WWOX: variants seen among roughly 807,000 people sequenced by gnomAD.
The protein encoded by WWOX is WW domain-containing oxidoreductase.
WWOX carries 69 observed loss-of-function variants against 46.2 expected under a neutral mutation model. The ratio of observed to expected loss-of-function variants is 1.49; its 90% CI spans 1.23 to 1.82. The LOEUF (loss-of-function observed/expected upper bound fraction) is 1.82. Ranked by LOEUF, WWOX falls within the 40% of genes most tolerant of loss-of-function variation. The pLI, the probability that WWOX is intolerant of heterozygous loss-of-function variation, is 0.00. For synonymous variants in WWOX, 359 were observed against 202.6 expected (o/e 1.77, Z -6.56); for missense variants, 919 against 542.6 (o/e 1.69, Z -6.89).
At chr16:78,586,557 T>A (rs983001292) in intron 8 of WWOX, among the ~76,000 whole-genome samples, 1 of 152,330 alleles carries the variant, frequency 6.6e-6, no homozygotes, top group East Asian at 1.9e-4. Context: ...ACGCTTGTTA[T>A]CTCCATTTTA....
At chr16:79,194,546 C>T (rs1027697215) in intron 8 of WWOX, among the ~76,000 whole-genome samples, 5 of 151,770 alleles carry the variant, frequency 3.3e-5, no homozygotes, top group African/African-American at 7.3e-5. Flanking sequence ...TATGAGATCT[C>T]GGCTCCGACG....
chr16:78,326,900 G>T (rs1008241638), intron 5 of WWOX, among the ~76,000 whole-genome samples: 3 of 152,118 alleles, frequency 2.0e-5, no homozygotes, highest in Non-Finnish European at 4.4e-5. Context: ...GAATACTGAA[G>T]TTTCTCACCA....
At chr16:78,655,309 T>C (rs952153600) in intron 8 of WWOX, among the ~76,000 whole-genome samples, 2 of 152,218 alleles carry the variant, frequency 1.3e-5, no homozygotes, top group African/African-American at 4.8e-5. Context: ...GCTTACAAAA[T>C]GCTACCGAGC....
chr16:78,515,374 C>T (rs988850089), intron 8 of WWOX, among the ~76,000 whole-genome samples: 3 of 152,152 alleles, frequency 2.0e-5, no homozygotes, highest in Non-Finnish European at 2.9e-5. Context: ...CAGCTAAGCT[C>T]ATCGTAGTTA....
In WWOX at chr16:78,334,055, G is replaced by A. The variant is rs914679517; in HGVS notation, c.517-52805G>A. ...CCCCTCGTCCTCCAGACAGTAAAAC[G>A]GCATTATTTGATGTTACATCGCATA... On this transcript the variant is annotated intron_variant, in intron 5 of 8. Coordinates refer to ENST00000566780, the MANE Select transcript of WWOX (RefSeq NM_016373.4). 1.5e-4 allele frequency among the ~76,000 whole-genome samples: 23 copies of A among 152,044 alleles called. 1 individual carries two copies. Among genetic ancestry groups the A allele is most frequent in the Non-Finnish European group, 2.8e-4 (19 of 68,018 alleles).
intron 8 of WWOX, among the ~76,000 whole-genome samples, chr16:78,703,334 G>C (rs1367436340): frequency 6.6e-6 from 1 of 152,138 alleles, no homozygotes; most frequent in Non-Finnish European, 1.5e-5. Flanking sequence ...TGGGAGTTAA[G>C]GCCGGGCATG....
chr16:78,371,269 G>T (rs1417957118), intron 5 of WWOX, among the ~76,000 whole-genome samples: 3 of 152,138 alleles, frequency 2.0e-5, no homozygotes, highest in Non-Finnish European at 4.4e-5. Context: ...ACTCTCTACA[G>T]ATGGATATAA....
intron 8 of WWOX, among the ~76,000 whole-genome samples, chr16:78,646,380 A>C (rs1478760700): frequency 1.3e-5 from 2 of 152,010 alleles, no homozygotes; most frequent in Non-Finnish European, 1.5e-5. Context: ...TCCATCCTCC[A>C]TCTTAGCCCT....
At position 78,889,634 on chromosome 16, in the gene WWOX, A is replaced by C. The variant is rs1325840296; in HGVS notation, c.1057-321974A>C. On this transcript the variant is annotated intron_variant, in intron 8 of 8. Coordinates refer to ENST00000566780, the MANE Select transcript of WWOX (RefSeq NM_016373.4). ...CCAGGGGAAATGGAATAAGCTAGAA[A>C]TTTGTTGTTTCCTTTTCACTAGGTT... Among the ~76,000 whole-genome samples the C allele has an allele frequency of 2.6e-5, 4 of 152,136 alleles. 1 individual carries two copies. Among genetic ancestry groups the C allele is most frequent in the Non-Finnish European group, 5.9e-5 (4 of 68,020 alleles).
chr16:78,165,004 C>T (rs998398178), intron 5 of WWOX, among the ~76,000 whole-genome samples: 3 of 152,136 alleles, frequency 2.0e-5, no homozygotes, highest in Admixed American at 6.5e-5. Context: ...ATTCTCTTAG[C>T]AGTGAGAAGA....
chr16:78,370,229 C>A (rs1340321740), intron 5 of WWOX, among the ~76,000 whole-genome samples: 1 of 150,554 alleles, frequency 6.6e-6, no homozygotes, highest in African/African-American at 2.4e-5. Flanking sequence ...TCTTTACAAT[C>A]TGGGGCAAGT....
chr16:78,715,745 G>T (rs1346000719), intron 8 of WWOX, among the ~76,000 whole-genome samples: 1 of 152,112 alleles, frequency 6.6e-6, no homozygotes, highest in African/African-American at 2.4e-5. Flanking sequence ...CCCAAATTCT[G>T]GGATTACAGG....
intron 8 of WWOX, among the ~76,000 whole-genome samples, chr16:79,059,302 C>T (rs902386042): frequency 3.3e-5 from 5 of 152,134 alleles, no homozygotes; most frequent in Admixed American, 1.3e-4. Flanking sequence ...AGTCCTTAAT[C>T]TAGTGTGTAA....
At chr16:78,717,978 A>G (rs775469190) in intron 8 of WWOX, among the ~76,000 whole-genome samples, 29 of 110,208 alleles carry the variant, frequency 2.6e-4, no homozygotes, top group Admixed American at 1.2e-3. Flanking sequence ...AATGGCATCT[A>G]AATGATAAAT....
At chr16:78,836,033 T>C (rs1263837810) in intron 8 of WWOX, among the ~76,000 whole-genome samples, 1 of 152,218 alleles carries the variant, frequency 6.6e-6, no homozygotes, top group Non-Finnish European at 1.5e-5. Flanking sequence ...CCAAAATACA[T>C]AGTGACATGA....
chr16:78,929,503 C>G lies in WWOX; in HGVS notation c.1057-282105C>G, dbSNP rs367830074. On this transcript the variant is annotated intron_variant, in intron 8 of 8. Transcript: ENST00000566780. ...ATGCTAAGGAGAGGAAAAAAAAATA[C>G]TGGCACCGTATCCGAGTGGGATCTG... 1.4e-4 allele frequency among the ~76,000 whole-genome samples: 21 copies of G among 152,196 alleles called. 1 individual carries two copies. The East Asian group carries it at 4.1e-3, about 29-fold the overall frequency.
At chr16:78,831,291 A>C (rs1435958745) in intron 8 of WWOX, among the ~76,000 whole-genome samples, 1 of 152,234 alleles carries the variant, frequency 6.6e-6, no homozygotes, top group Non-Finnish European at 1.5e-5. Context: ...GAATATCTTT[A>C]GGCTCCTGGA....
At chr16:78,781,402 C>T (rs762761612) in intron 8 of WWOX, among the ~76,000 whole-genome samples, 9 of 152,110 alleles carry the variant, frequency 5.9e-5, no homozygotes, top group African/African-American at 1.7e-4. Context: ...GTCTTACTAC[C>T]CCCTCCCACC....
intron 8 of WWOX, among the ~76,000 whole-genome samples, chr16:78,904,563 G>T (rs1019706131): frequency 6.6e-6 from 1 of 151,988 alleles, no homozygotes; most frequent in Non-Finnish European, 1.5e-5. Context: ...GTGGGGCATG[G>T]TCACTGGAAA....
Sources: allele counts gnomAD v4.1 joint callset (sites outside exome capture counted in the v4.1 genomes callset), GRCh38; gene constraint gnomAD v4.1.1; transcripts MANE v1.5; gene names NCBI Gene and HGNC (gene_info 2026-07-23, HGNC 2026-07-21).